Variants in PRMT3 observed in about 807,000 individuals in gnomAD.
The protein encoded by PRMT3 is protein arginine N-methyltransferase 3.
In PRMT3, 62 loss-of-function variants were observed where a neutral mutation model predicts 71.9. The ratio of observed to expected loss-of-function variants is 0.86; its 90% CI spans 0.70 to 1.07. The LOEUF is 1.07. PRMT3 is among the 50% of genes least tolerant of loss of function. The probability of loss-of-function intolerance (pLI) is 0.00; values close to 1 mark genes in which losing one functional copy is unlikely to be tolerated. For missense variants in PRMT3, 663 were observed against 643.0 expected (o/e 1.03, Z -0.34); for synonymous variants, 213 against 220.4 (o/e 0.97, Z 0.30).
chr11:20,416,027 G>T (rs1849296921), intron 9 of PRMT3, among the ~76,000 whole-genome samples: 1 of 152,138 alleles, frequency 6.6e-6, no homozygotes, highest in African/African-American at 2.4e-5. Context: ...GTCCTGTTGA[G>T]TATCCTTAAT....
chr11:20,404,211 GTTTTTTTTTTTT>G (rs71063629), intron 8 of PRMT3, among the ~76,000 whole-genome samples: 4 of 34,326 alleles, frequency 1.2e-4, no homozygotes, highest in Admixed American at 8.4e-4. Flanking sequence ...ACTTTTCATA[GTTTTTTTTTTTT>G]TTTTTTTTTT....
intron 13 of PRMT3, among the ~76,000 whole-genome samples, chr11:20,472,648 A>G (rs1850674588): frequency 7.8e-6 from 1 of 128,326 alleles, no homozygotes; most frequent in South Asian, 2.4e-4. Flanking sequence ...TTGTTTGTTC[A>G]TCAAGGATAC....
intron 8 of PRMT3, among the ~76,000 whole-genome samples, chr11:20,404,211 G>GTTTTT (rs71063629): frequency 8.7e-5 from 3 of 34,330 alleles, no homozygotes; most frequent in Admixed American, 4.2e-4. Context: ...ACTTTTCATA[G>GTTTTT]TTTTTTTTTT....
At chr11:20,471,295 C>G (rs1469213348) in intron 13 of PRMT3, among the ~76,000 whole-genome samples, 1 of 151,994 alleles carries the variant, frequency 6.6e-6, no homozygotes, top group Non-Finnish European at 1.5e-5. Flanking sequence ...TTGCCCGTGC[C>G]TATGTCCTTA....
At chr11:20,474,802 G>A (rs1369129919) in intron 13 of PRMT3, among the ~76,000 whole-genome samples, 1 of 152,216 alleles carries the variant, frequency 6.6e-6, no homozygotes, top group African/African-American at 2.4e-5. Context: ...TAGAACAATG[G>A]CAAGAGCACA....
chr11:20,423,873 TAAAAAAAAA>T (rs58636447), intron 9 of PRMT3, among the ~76,000 whole-genome samples: 23 of 27,116 alleles, frequency 8.5e-4, no homozygotes, highest in South Asian at 2.4e-3. Flanking sequence ...GATTCTCTCT[TAAAAAAAAA>T]AAAAAAAAAA....
chr11:20,502,535 T>C (rs552835623), intron 15 of PRMT3, among the ~76,000 whole-genome samples: 1 of 152,356 alleles, frequency 6.6e-6, no homozygotes, highest in African/African-American at 2.4e-5. Context: ...ATTTTTTCTT[T>C]TGTGAAAAAT....
intron 13 of PRMT3, among the ~76,000 whole-genome samples, chr11:20,474,539 T>G (rs1057411652): frequency 1.3e-5 from 2 of 152,210 alleles, no homozygotes; most frequent in Non-Finnish European, 2.9e-5. Context: ...CTGCCAGGAC[T>G]CTATACAGGT....
chr11:20,468,819 A>T lies in PRMT3; in HGVS notation c.1347+4273A>T, dbSNP rs568436484. ...CTATAGACTGATAATGCTTTTAGAT[A>T]GCTTCTTGAAGATTATTAGAACCTT... On this transcript the variant is annotated intron_variant, in intron 13 of 15. Coordinates refer to ENST00000331079, the MANE Select transcript of PRMT3 (RefSeq NM_005788.4). Among the ~76,000 whole-genome samples the T allele has an allele frequency of 1.7e-3, 258 of 152,324 alleles. 3 individuals carry two copies. The highest frequency in any genetic ancestry group is 5.9e-3 in the African/African-American group (246 of 41,570).
rs192773741 is a variant in PRMT3, at chr11:20,411,318, C to G, written c.893+3286C>G. ...TGTATTTTTGGAAAGGGAGTCTGAT[C>G]ATTTTGTCAGCCAGATTTTTGAATC... On this transcript the variant is annotated intron_variant, in intron 9 of 15. Coordinates refer to ENST00000331079, the MANE Select transcript of PRMT3 (RefSeq NM_005788.4). Among the ~76,000 whole-genome samples, 5 of 152,130 alleles carry G rather than the reference C, an allele frequency of 3.3e-5. No individual in the cohort carries two copies. In the East Asian group the frequency reaches 9.7e-4, roughly 29 times the overall value.
At chr11:20,475,269 T>G (rs1262612794) in intron 13 of PRMT3, among the ~76,000 whole-genome samples, 1 of 152,232 alleles carries the variant, frequency 6.6e-6, no homozygotes, top group Non-Finnish European at 1.5e-5. Context: ...AGGGAAACTT[T>G]GAAGAGGAAC....
At chr11:20,394,266 C>G (rs1848777959) in intron 5 of PRMT3, among the ~76,000 whole-genome samples, 1 of 152,126 alleles carries the variant, frequency 6.6e-6, no homozygotes. Context: ...GTGAAATTCA[C>G]TAACTACATA....
At chr11:20,442,272 A>G (rs1849926308) in intron 10 of PRMT3, among the ~76,000 whole-genome samples, 1 of 152,088 alleles carries the variant, frequency 6.6e-6, no homozygotes, top group Non-Finnish European at 1.5e-5. Flanking sequence ...CCAACTTGAC[A>G]TACAACCAGA....
chr11:20,497,672 G>C (rs944793452), intron 15 of PRMT3, among the ~76,000 whole-genome samples: 1 of 152,114 alleles, frequency 6.6e-6, no homozygotes, highest in African/African-American at 2.4e-5. Flanking sequence ...GGAGTTTTAC[G>C]CAAGTAATAA....
At chr11:20,489,176 TCTCA>T (rs137989322) in intron 13 of PRMT3, among the ~76,000 whole-genome samples, 4,521 of 152,256 alleles carry the variant, frequency 0.03, 224 homozygotes, top group African/African-American at 0.1. Context: ...TTCTCCCTTC[TCTCA>T]CTCTAAGGGA....
chr11:20,469,448 GAAT>G (rs986976085), intron 13 of PRMT3, among the ~76,000 whole-genome samples: 2 of 152,134 alleles, frequency 1.3e-5, no homozygotes, highest in African/African-American at 4.8e-5. Flanking sequence ...AAATGATTTT[GAAT>G]AATGCTTATT....
intron 5 of PRMT3, among the ~76,000 whole-genome samples, chr11:20,394,541 G>T (rs1325244204): frequency 6.6e-6 from 1 of 152,162 alleles, no homozygotes; most frequent in Admixed American, 6.5e-5. Flanking sequence ...TATACATTGT[G>T]AAATGATTAC....
intron 15 of PRMT3, among the ~76,000 whole-genome samples, chr11:20,504,738 G>C (rs904120787): frequency 5.9e-5 from 9 of 151,678 alleles, no homozygotes; most frequent in African/African-American, 1.9e-4. Flanking sequence ...GAGAGAGAGA[G>C]AGAGAGAGCG....
In PRMT3 at chr11:20,392,090, T is replaced by G. The variant is rs78454482; in HGVS notation, c.248-121T>G. On this transcript the variant is annotated intron_variant, in intron 3 of 15. Transcript: ENST00000331079. Reference sequence around the variant, plus strand: ...CTAATTCTTAATAAAATTCAAAATATAAGTAGTAATTTAGAGGTCAGAATT... The same window carrying G: ...CTAATTCTTAATAAAATTCAAAATAGAAGTAGTAATTTAGAGGTCAGAATT... The G allele has an allele frequency of 7.9e-3, 7,031 of 888,224 alleles. 316 individuals are homozygous for G. The African/African-American group carries it at 0.11, about 13-fold the overall frequency. 55.0% of individuals were successfully genotyped at this position (888,224 alleles called of 1,614,324 possible).
Sources: allele counts gnomAD v4.1 joint callset (sites outside exome capture counted in the v4.1 genomes callset), GRCh38; gene constraint gnomAD v4.1.1; transcripts MANE v1.5; gene names NCBI Gene and HGNC (gene_info 2026-07-23, HGNC 2026-07-21).